Variants in GTF2E2 observed in about 807,000 individuals in gnomAD.
GTF2E2 encodes the protein transcription initiation factor IIE subunit beta.
Under a neutral mutation model 40.5 loss-of-function variants are expected in GTF2E2, and 21 were observed. The observed-to-expected ratio is 0.52, with a 90% CI of 0.37 to 0.75. GTF2E2 has a LOEUF of 0.75. Among genes scored for constraint, GTF2E2 ranks in the 30% least tolerant of loss-of-function variants. The pLI is 0.00. For missense variants in GTF2E2, 298 were observed against 338.4 expected, an observed-to-expected ratio of 0.88 and a Z score of 0.94; for synonymous variants, 117 against 121.6, an observed-to-expected ratio of 0.96 and a Z score of 0.25.
At chr8:30,588,682 C>A (rs770991739) in intron 6 of GTF2E2, among the ~76,000 whole-genome samples, 7 of 152,116 alleles carry the variant, frequency 4.6e-5, no homozygotes, top group Non-Finnish European at 7.3e-5. Context: ...AGGAAAGAGG[C>A]AGGCAAGAGA....
At chr8:30,657,510 G>A (rs1802483809) in intron 1 of GTF2E2, 1 of 152,274 alleles carries the variant, frequency 6.6e-6, no homozygotes, top group Admixed American at 6.5e-5. Flanking sequence ...CGAAAAGGGG[G>A]CCGCAGCGTT....
At chr8:30,600,267 T>C (rs556732387) in intron 6 of GTF2E2, among the ~76,000 whole-genome samples, 4 of 152,254 alleles carry the variant, frequency 2.6e-5, no homozygotes, top group South Asian at 4.1e-4. Flanking sequence ...CACAAAACTA[T>C]AAAACCAGTG....
intron 2 of GTF2E2, chr8:30,637,224 G>GT (rs2128724413): frequency 2.2e-6 from 1 of 455,180 alleles, no homozygotes; most frequent in Non-Finnish European, 4.4e-6. Context: ...GCTTGTTTAA[G>GT]TAAAATAATA....
In GTF2E2 at chr8:30,579,033, G is replaced by C. The variant is rs1232942032; in HGVS notation, c.764C>G (p.Pro255Arg). Reference sequence around the variant, plus strand: ...AGCAGGCTTTTTCCTTCTCTGAATAGGGGCCTAAAGGAAAAGGTAAAAACA... The same window carrying C: ...AGCAGGCTTTTTCCTTCTCTGAATACGGGCCTAAAGGAAAAGGTAAAAACA... ...MQESGPKKVAPIQRRKKPASQ... is the reference protein window; with the variant it reads ...MQESGPKKVARIQRRKKPASQ... The change falls in exon 8 of 8, where the codon CCT becomes CGT. Residue 255 changes from proline (P) to arginine (R), a missense_variant. Coordinates refer to ENST00000355904, the MANE Select transcript of GTF2E2 (RefSeq NM_002095.6). The C allele has an allele frequency of 6.6e-7, 1 of 1,519,512 alleles. No homozygotes were observed. The highest frequency in any genetic ancestry group is 9.1e-7 in the Non-Finnish European group (1 of 1,093,892). The allele number at this position is 1,519,512 out of a possible 1,614,324, so 94.1% of individuals were successfully genotyped here.
At chr8:30,614,928 T>C (rs975744942) in intron 3 of GTF2E2, among the ~76,000 whole-genome samples, 3 of 152,020 alleles carry the variant, frequency 2.0e-5, no homozygotes, top group Non-Finnish European at 4.4e-5. Flanking sequence ...AAAAAATATA[T>C]GCAACTCGTA....
In GTF2E2 at chr8:30,658,143, T is replaced by C. The variant is rs951207026; in HGVS notation, c.-175A>G. ...CAGGTCGGGGTCTCACCACTGGCGG[T>C]GGCGGCGGCGGCGGCGGCAGCGGCG... On this transcript the variant is annotated 5_prime_UTR_variant, in exon 1 of 8. Transcript: ENST00000355904. 8.1e-5 allele frequency: 15 copies of C among 185,718 alleles called. 2 individuals carry two copies. The highest frequency in any genetic ancestry group is 7.6e-4 in the South Asian group (9 of 11,866). The allele number at this position is 185,718 out of a possible 1,614,324, so 11.5% of individuals were successfully genotyped here.
intron 2 of GTF2E2, among the ~76,000 whole-genome samples, chr8:30,639,940 A>T (rs2128725423): frequency 6.6e-6 from 1 of 152,310 alleles, no homozygotes; most frequent in African/African-American, 2.4e-5. Context: ...CAGAAAGTAC[A>T]GAAGCACCAA....
intron 2 of GTF2E2, among the ~76,000 whole-genome samples, chr8:30,646,606 A>ATT (rs1802084728): frequency 6.6e-6 from 1 of 152,206 alleles, no homozygotes; most frequent in African/African-American, 2.4e-5. Flanking sequence ...ATTTTTTACA[A>ATT]TGGCATTACT....
intron 6 of GTF2E2, among the ~76,000 whole-genome samples, chr8:30,586,330 C>T (rs1179166412): frequency 6.6e-6 from 1 of 152,086 alleles, no homozygotes; most frequent in African/African-American, 2.4e-5. Flanking sequence ...CCAAGATGTC[C>T]ACAACGTAAT....
intron 2 of GTF2E2, among the ~76,000 whole-genome samples, chr8:30,648,218 T>C (rs551485573): frequency 2.0e-5 from 3 of 152,288 alleles, no homozygotes; most frequent in African/African-American, 7.2e-5. Flanking sequence ...TCAGTATCAC[T>C]AGGACAGAGT....
intron 7 of GTF2E2, 137 bp downstream of exon 7, chr8:30,580,144 C>T (rs1828473333): frequency 1.6e-6 from 1 of 633,308 alleles, no homozygotes; most frequent in Non-Finnish European, 2.8e-6. Flanking sequence ...CCTGCAATAC[C>T]TCAGATGTGA....
At chr8:30,608,850 G>T (rs377461609) in intron 5 of GTF2E2, among the ~76,000 whole-genome samples, 1 of 152,168 alleles carries the variant, frequency 6.6e-6, no homozygotes, top group Non-Finnish European at 1.5e-5. Flanking sequence ...GGTGGCTCAC[G>T]CCATTCTCCT....
intron 3 of GTF2E2, among the ~76,000 whole-genome samples, chr8:30,622,664 CA>C: frequency 6.6e-6 from 1 of 152,024 alleles, no homozygotes; most frequent in East Asian, 1.9e-4. Context: ...TTCATCCCTA[CA>C]GCTCGACCAT....
intron 3 of GTF2E2, among the ~76,000 whole-genome samples, chr8:30,621,008 A>G (rs1801085097): frequency 6.6e-6 from 1 of 152,046 alleles, no homozygotes; most frequent in Non-Finnish European, 1.5e-5. Context: ...TGGATCTGGA[A>G]GCACATAGCC....
At chr8:30,587,006 G>A (rs1382614669) in intron 6 of GTF2E2, among the ~76,000 whole-genome samples, 2 of 152,146 alleles carry the variant, frequency 1.3e-5, no homozygotes, top group African/African-American at 4.8e-5. Flanking sequence ...ATAGACAACT[G>A]GGATTACAAC....
chr8:30,592,616 C>T (rs532660775), intron 6 of GTF2E2, among the ~76,000 whole-genome samples: 15 of 152,272 alleles, frequency 9.9e-5, no homozygotes, highest in South Asian at 6.2e-4. Context: ...TCCTCCCATG[C>T]ACTTTAAATA....
At chr8:30,651,957 A>G (rs1363170876) in intron 2 of GTF2E2, among the ~76,000 whole-genome samples, 2 of 152,232 alleles carry the variant, frequency 1.3e-5, no homozygotes, top group Non-Finnish European at 2.9e-5. Context: ...AGGGCGCAAT[A>G]TAATTCAACA....
chr8:30,594,857 CAAA>C (rs201819515), intron 6 of GTF2E2, among the ~76,000 whole-genome samples: 5 of 106,424 alleles, frequency 4.7e-5, no homozygotes, highest in Admixed American at 9.9e-5. Context: ...AACTTCATCT[CAAA>C]AAAAAAAAAA....
chr8:30,624,252 C>A (rs1295321499), intron 3 of GTF2E2, among the ~76,000 whole-genome samples: 1 of 152,146 alleles, frequency 6.6e-6, no homozygotes, highest in African/African-American at 2.4e-5. Context: ...TTCCCAGCAC[C>A]ATTTGTTGAA....
Sources: allele counts gnomAD v4.1 joint callset (sites outside exome capture counted in the v4.1 genomes callset), GRCh38; gene constraint gnomAD v4.1.1; transcripts MANE v1.5; gene names NCBI Gene and HGNC (gene_info 2026-07-23, HGNC 2026-07-21).